Variants in PLEKHG1 observed in about 807,000 individuals in gnomAD.
PLEKHG1 encodes pleckstrin homology domain-containing family G member 1.
PLEKHG1 carries 44 observed loss-of-function variants against 100.8 expected under a neutral mutation model. The observed-to-expected ratio is 0.44, with a 90% CI of 0.34 to 0.56. The LOEUF is 0.56. Among genes scored for constraint, PLEKHG1 ranks in the 20% least tolerant of loss-of-function variants. The pLI is 0.01. For synonymous variants in PLEKHG1, 640 were observed against 662.5 expected (o/e 0.97, Z 0.52); for missense variants, 1,545 against 1,720.9 (o/e 0.90, Z 1.81).
intron 1 of PLEKHG1, among the ~76,000 whole-genome samples, chr6:150,728,748 T>TGGGG (rs1583014953): frequency 6.6e-6 from 1 of 151,794 alleles, no homozygotes; most frequent in East Asian, 1.9e-4. Flanking sequence ...GTACAAAAAT[T>TGGGG]AGCCAGGCAT....
intron 2 of PLEKHG1, among the ~76,000 whole-genome samples, chr6:150,737,539 G>A (rs1476547541): frequency 1.3e-5 from 2 of 152,140 alleles, no homozygotes; most frequent in East Asian, 1.9e-4. Flanking sequence ...TGATCCACCC[G>A]CCTCGGCCTC....
intron 3 of PLEKHG1, among the ~76,000 whole-genome samples, chr6:150,697,108 A>AAAAGAAGAAG (rs71270304): frequency 4.6e-4 from 68 of 147,310 alleles, no homozygotes; most frequent in East Asian, 2.4e-3. Flanking sequence ...AGAAAAAAAA[A>AAAAGAAGAAG]AAGAAGAAGA....
chr6:150,702,788 G>T (rs1280410862), intron 3 of PLEKHG1, among the ~76,000 whole-genome samples: 1 of 152,108 alleles, frequency 6.6e-6, no homozygotes, highest in Non-Finnish European at 1.5e-5. Context: ...CTAGAACCTG[G>T]CAGTCTCCAT....
At chr6:150,610,538 A>T (rs1776782289) in intron 1 of PLEKHG1, among the ~76,000 whole-genome samples, 1 of 152,228 alleles carries the variant, frequency 6.6e-6, no homozygotes, top group Non-Finnish European at 1.5e-5. Flanking sequence ...AGCTTTAAGA[A>T]ATTTAAGTTT....
At chr6:150,797,021 C>T (rs1350125798) in intron 5 of PLEKHG1, among the ~76,000 whole-genome samples, 1 of 151,856 alleles carries the variant, frequency 6.6e-6, no homozygotes, top group African/African-American at 2.4e-5. Flanking sequence ...GACAGAGTCT[C>T]ACTCCGCCAC....
intron 11 of PLEKHG1, among the ~76,000 whole-genome samples, chr6:150,819,155 G>A (rs139821860): frequency 2.5e-4 from 36 of 145,274 alleles, no homozygotes; most frequent in African/African-American, 5.7e-4. Context: ...GGTGGCTCAC[G>A]CCTGTCATCC....
chr6:150,611,401 TACA>T (rs1230318266), intron 1 of PLEKHG1, among the ~76,000 whole-genome samples: 3 of 152,244 alleles, frequency 2.0e-5, no homozygotes, highest in Non-Finnish European at 4.4e-5. Context: ...TGTTAAGTGG[TACA>T]ACAATTGCTC....
At chr6:150,737,277 G>A (rs1349295290) in intron 2 of PLEKHG1, among the ~76,000 whole-genome samples, 2 of 143,416 alleles carry the variant, frequency 1.4e-5, no homozygotes, top group East Asian at 2.0e-4. Flanking sequence ...GCTGTCATAT[G>A]GGTATTTTTT....
chr6:150,706,587 C>T (rs1412251253), intron 3 of PLEKHG1, among the ~76,000 whole-genome samples: 1 of 145,224 alleles, frequency 6.9e-6, no homozygotes, highest in Non-Finnish European at 1.5e-5. Context: ...TTGCTCCAGC[C>T]AGGGCAACAG....
rs147987190 is a variant in PLEKHG1, at chr6:150,840,098, C to T, written c.3360C>T (p.Pro1120=). 5.4e-4 allele frequency: 869 copies of T among 1,614,232 alleles called. 14 individuals are homozygous for T. In the South Asian group the frequency reaches 6.0e-3, roughly 11 times the overall value. The change falls in exon 16 of 16, where the codon CCC becomes CCT. Residue 1120 remains proline, a synonymous_variant. Transcript: ENST00000358517. ...TTGAGATCAATACAAAAAGTACTCCCAGGCAATTGTCCGCAGCTTGCTCTG... is the reference window on the plus strand; with the variant it reads ...TTGAGATCAATACAAAAAGTACTCCTAGGCAATTGTCCGCAGCTTGCTCTG...
chr6:150,643,666 T>C (rs1582870882), intron 2 of PLEKHG1, among the ~76,000 whole-genome samples: 1 of 152,342 alleles, frequency 6.6e-6, no homozygotes, highest in South Asian at 2.1e-4. Context: ...TTTTCCAAAA[T>C]GTGAGCCGTG....
intron 3 of PLEKHG1, among the ~76,000 whole-genome samples, chr6:150,658,328 A>T (rs779442757): frequency 6.6e-6 from 1 of 152,220 alleles, no homozygotes; most frequent in Non-Finnish European, 1.5e-5. Context: ...AAGGAATTGC[A>T]ATTGATCTTA....
intron 1 of PLEKHG1, among the ~76,000 whole-genome samples, chr6:150,631,980 T>G (rs890770272): frequency 6.6e-6 from 1 of 152,190 alleles, no homozygotes; most frequent in Non-Finnish European, 1.5e-5. Context: ...CCACCAGAGC[T>G]TCTAGGCTTT....
At chr6:150,764,216 C>T (rs1219785412) in intron 2 of PLEKHG1, among the ~76,000 whole-genome samples, 3 of 150,980 alleles carry the variant, frequency 2.0e-5, no homozygotes, top group African/African-American at 7.3e-5. Context: ...CTCCCGGGTT[C>T]AAGCGATTCT....
intron 1 of PLEKHG1, among the ~76,000 whole-genome samples, chr6:150,723,967 AC>A (rs1275115547): frequency 6.6e-6 from 1 of 152,214 alleles, no homozygotes; most frequent in African/African-American, 2.4e-5. Flanking sequence ...AGGGGCTGTA[AC>A]AGCCAGGGTT....
At chr6:150,834,322 G>A (rs546770515) in intron 15 of PLEKHG1, among the ~76,000 whole-genome samples, 1 of 152,262 alleles carries the variant, frequency 6.6e-6, no homozygotes, top group South Asian at 2.1e-4. Flanking sequence ...GGTGGGGTAG[G>A]GGAATATATA....
intron 3 of PLEKHG1, among the ~76,000 whole-genome samples, chr6:150,709,162 T>G (rs1376586051): frequency 6.6e-6 from 1 of 152,024 alleles, no homozygotes; most frequent in Non-Finnish European, 1.5e-5. Flanking sequence ...TGAAACTCTG[T>G]CTCTACTAAA....
At chr6:150,656,141 A>G (rs749759956) in intron 3 of PLEKHG1, among the ~76,000 whole-genome samples, 11 of 152,146 alleles carry the variant, frequency 7.2e-5, no homozygotes, top group Non-Finnish European at 1.6e-4. Context: ...ACTCTTCTAG[A>G]AATTTGAATA....
chr6:150,790,069 G>A (rs13205966), intron 4 of PLEKHG1, among the ~76,000 whole-genome samples: 8,156 of 152,230 alleles, frequency 0.054, 274 homozygotes, highest in Middle Eastern at 0.13. Flanking sequence ...CACCCAGGCT[G>A]GGGTGCAGTG....
Sources: allele counts gnomAD v4.1 joint callset (sites outside exome capture counted in the v4.1 genomes callset), GRCh38; gene constraint gnomAD v4.1.1; transcripts MANE v1.5; gene names NCBI Gene and HGNC (gene_info 2026-07-23, HGNC 2026-07-21).